The following NME7 variants were observed in gnomAD, a reference collection of about 807,000 sequenced individuals.
The protein encoded by NME7 is nucleoside diphosphate kinase 7.
NME7 carries 41 observed loss-of-function variants against 49.1 expected under a neutral mutation model. The observed-to-expected ratio is 0.83, with a 90% confidence interval of 0.65 to 1.08. The LOEUF (loss-of-function observed/expected upper bound fraction) is 1.08, where lower values mean the gene tolerates loss of function less well. NME7 is among the 50% of genes least tolerant of loss of function. NME7 has a pLI of 0.00. For synonymous variants in NME7, 139 were observed against 150.6 expected (o/e 0.92, Z 0.56); for missense variants, 423 against 463.4 (o/e 0.91, Z 0.80).
intron 3 of NME7, among the ~76,000 whole-genome samples, chr1:169,320,882 C>T (rs1197569766): frequency 2.0e-5 from 3 of 152,064 alleles, no homozygotes; most frequent in Non-Finnish European, 4.4e-5. Flanking sequence ...TATTTGCCAG[C>T]ATATTAATTA....
intron 10 of NME7, among the ~76,000 whole-genome samples, chr1:169,210,313 A>T (rs1660774695): frequency 6.6e-6 from 1 of 152,190 alleles, no homozygotes; most frequent in Non-Finnish European, 1.5e-5. Flanking sequence ...ATATGAAAGT[A>T]TTGTTGATAT....
chr1:169,206,249 T>C (rs950109405), intron 10 of NME7, among the ~76,000 whole-genome samples: 2 of 152,192 alleles, frequency 1.3e-5, no homozygotes, highest in Non-Finnish European at 2.9e-5. Context: ...GTATTTCTAC[T>C]GTATCTAGAA....
In NME7 at chr1:169,284,172, T is replaced by C. The variant is rs1278882906; in HGVS notation, c.754+3131A>G. 2.6e-5 allele frequency: 4 copies of C among 152,180 alleles called. No homozygotes were observed. In the East Asian group the frequency reaches 7.7e-4, roughly 29 times the overall value. 9.4% of individuals were successfully genotyped at this position (152,180 alleles called of 1,614,324 possible). On this transcript the variant is annotated intron_variant, in intron 7 of 11. Coordinates refer to ENST00000367811, the MANE Select transcript of NME7 (RefSeq NM_013330.5). ...TTTTATTCTTTTTTCTCTAATCTGGTCTTCTCTTTTTATTTCATTAAGTTG... is the reference window on the plus strand; with the variant it reads ...TTTTATTCTTTTTTCTCTAATCTGGCCTTCTCTTTTTATTTCATTAAGTTG...
At chr1:169,197,043 T>G (rs369710359) in intron 10 of NME7, among the ~76,000 whole-genome samples, 2 of 152,132 alleles carry the variant, frequency 1.3e-5, no homozygotes, top group South Asian at 4.1e-4. Context: ...TTAAGCTGAG[T>G]GAGTGACCTG....
Position 169,237,706 on chromosome 1 carries a change from G to C in NME7, c.755-19C>G, listed in dbSNP as rs762862856. 1.9e-6 allele frequency: 3 copies of C among 1,587,902 alleles called. No homozygotes were observed. The highest frequency in any genetic ancestry group is 2.6e-6 in the Non-Finnish European group (3 of 1,165,860). On this transcript the variant is annotated intron_variant, in intron 7 of 11. Coordinates refer to ENST00000367811, the MANE Select transcript of NME7 (RefSeq NM_013330.5). ...AACAGTCCTGAAAATGAAGGACAATGAGTGAAAAAATACAAAATTTTAAGA... is the reference window on the plus strand; with the variant it reads ...AACAGTCCTGAAAATGAAGGACAATCAGTGAAAAAATACAAAATTTTAAGA...
chr1:169,334,688 G>T (rs1429194266), intron 1 of NME7, among the ~76,000 whole-genome samples: 3 of 152,142 alleles, frequency 2.0e-5, no homozygotes, highest in African/African-American at 7.2e-5. Context: ...GAATGCGATT[G>T]CAACAAAAGC....
chr1:169,240,325 T>C (rs1648028882), intron 7 of NME7, among the ~76,000 whole-genome samples: 1 of 152,016 alleles, frequency 6.6e-6, no homozygotes. Flanking sequence ...GTTTTACATT[T>C]TTTAAAAATC....
At chr1:169,351,964 G>C (rs1485589177) in intron 1 of NME7, among the ~76,000 whole-genome samples, 1 of 151,942 alleles carries the variant, frequency 6.6e-6, no homozygotes, top group Non-Finnish European at 1.5e-5. Context: ...CCCAGGACCT[G>C]ATGGCTTCAC....
chr1:169,276,507 T>A (rs1311081047), intron 7 of NME7, among the ~76,000 whole-genome samples: 1 of 133,586 alleles, frequency 7.5e-6, no homozygotes, highest in Non-Finnish European at 1.8e-5. Context: ...GATGGTAGTT[T>A]GTATTTCTGT....
intron 7 of NME7, among the ~76,000 whole-genome samples, chr1:169,256,938 C>T (rs1416610323): frequency 7.8e-6 from 1 of 128,984 alleles, no homozygotes; most frequent in Non-Finnish European, 1.8e-5. Flanking sequence ...TCTCCAGCTG[C>T]ATGCTGGGAG....
chr1:169,296,495 T>C (rs930355714), intron 6 of NME7, among the ~76,000 whole-genome samples: 6 of 151,968 alleles, frequency 3.9e-5, no homozygotes, highest in African/African-American at 1.5e-4. Context: ...TGTAGCTTCA[T>C]CTTTGGTCCT....
chr1:169,170,377 C>T (rs1230622464), intron 10 of NME7, among the ~76,000 whole-genome samples: 2 of 152,110 alleles, frequency 1.3e-5, no homozygotes, highest in Non-Finnish European at 2.9e-5. Context: ...GCTTAGGGTG[C>T]AAAGATTCTG....
intron 1 of NME7, among the ~76,000 whole-genome samples, chr1:169,338,073 T>A (rs1652550697): frequency 6.6e-6 from 1 of 152,162 alleles, no homozygotes; most frequent in South Asian, 2.1e-4. Flanking sequence ...TTCTCATTAA[T>A]AAAGGAAAAC....
chr1:169,226,020 G>T (rs529356180), intron 10 of NME7, among the ~76,000 whole-genome samples: 1 of 151,864 alleles, frequency 6.6e-6, no homozygotes, highest in Non-Finnish European at 1.5e-5. Flanking sequence ...CAGGTGTTAG[G>T]TATATATATA....
At chr1:169,168,854 A>C (rs527754722) in intron 11 of NME7, 208 of 456,284 alleles carry the variant, frequency 4.6e-4, no homozygotes, top group African/African-American at 3.6e-3. Flanking sequence ...TACAAAGTTC[A>C]CCCAAGAGTT....
At chr1:169,250,340 T>C (rs959161033) in intron 7 of NME7, among the ~76,000 whole-genome samples, 1 of 152,042 alleles carries the variant, frequency 6.6e-6, no homozygotes, top group African/African-American at 2.4e-5. Context: ...CATTTCTAAT[T>C]GAACTTACTT....
chr1:169,339,776 C>T (rs765005123), intron 1 of NME7, among the ~76,000 whole-genome samples: 1 of 152,212 alleles, frequency 6.6e-6, no homozygotes, highest in Non-Finnish European at 1.5e-5. Context: ...CAAAGGACCC[C>T]CTTGCCCTTG....
chr1:169,227,453 G>A (rs1647395364), intron 10 of NME7, among the ~76,000 whole-genome samples: 1 of 152,144 alleles, frequency 6.6e-6, no homozygotes, highest in Non-Finnish European at 1.5e-5. Flanking sequence ...AATTTATGGA[G>A]AAAATAAATG....
chr1:169,232,396 T>A (rs1647665245), intron 9 of NME7, among the ~76,000 whole-genome samples: 1 of 152,090 alleles, frequency 6.6e-6, no homozygotes, highest in South Asian at 2.1e-4. Flanking sequence ...ATATATTTTT[T>A]AAAATAAGTG....
Sources: allele counts gnomAD v4.1 joint callset (sites outside exome capture counted in the v4.1 genomes callset), GRCh38; gene constraint gnomAD v4.1.1; transcripts MANE v1.5; gene names NCBI Gene and HGNC (gene_info 2026-07-23, HGNC 2026-07-21).